Variants in EYS observed in about 807,000 individuals in gnomAD.
The protein encoded by EYS is EGF-like photoreceptor maintenance factor.
In EYS, 250 loss-of-function variants were observed where a neutral mutation model predicts 282.1. That is an observed-to-expected ratio of 0.89 (90% confidence interval 0.80 to 0.98). The LOEUF (loss-of-function observed/expected upper bound fraction) is 0.98. Among genes scored for constraint, EYS ranks in the 50% least tolerant of loss-of-function variants. The pLI is 0.00. For missense variants in EYS, 4,016 were observed against 3,709.0 expected, an observed-to-expected ratio of 1.08 and a Z score of -2.15; for synonymous variants, 1,355 against 1,282.9, an observed-to-expected ratio of 1.06 and a Z score of -1.20.
At chr6:64,874,057 A>G (rs1222189653) in intron 19 of EYS, among the ~76,000 whole-genome samples, 1 of 152,056 alleles carries the variant, frequency 6.6e-6, no homozygotes, top group Non-Finnish European at 1.5e-5. Context: ...AGATTTCTTT[A>G]AATTTGACCA....
chr6:64,406,113 T>C (rs528648917), intron 28 of EYS, among the ~76,000 whole-genome samples: 13 of 152,168 alleles, frequency 8.5e-5, no homozygotes, highest in Admixed American at 6.6e-4. Flanking sequence ...AAAACAGATA[T>C]GTATAGACCA....
intron 22 of EYS, among the ~76,000 whole-genome samples, chr6:64,798,931 A>T (rs1774448438): frequency 6.6e-6 from 1 of 151,758 alleles, no homozygotes. Flanking sequence ...CTCCCATTAT[A>T]CTGCTTTAGC....
intron 30 of EYS, among the ~76,000 whole-genome samples, chr6:64,296,718 T>C (rs142058564): frequency 0.03 from 4,443 of 150,396 alleles, 209 homozygotes; most frequent in African/African-American, 0.1. Flanking sequence ...GCAATTCTCC[T>C]GCCTCAGCCT....
At chr6:63,929,738 CCTCA>C in intron 35 of EYS, among the ~76,000 whole-genome samples, 1 of 152,228 alleles carries the variant, frequency 6.6e-6, no homozygotes, top group East Asian at 1.9e-4. Flanking sequence ...ACATAGCAGT[CCTCA>C]CTCATCCTTT....
At chr6:64,044,103 T>G (rs559971377) in intron 33 of EYS, among the ~76,000 whole-genome samples, 1 of 152,358 alleles carries the variant, frequency 6.6e-6, no homozygotes, top group East Asian at 1.9e-4. Context: ...TATGTCATAT[T>G]TCTATATCTT....
chr6:64,088,214 A>G (rs1772226036), intron 31 of EYS, among the ~76,000 whole-genome samples: 1 of 152,126 alleles, frequency 6.6e-6, no homozygotes, highest in South Asian at 2.1e-4. Flanking sequence ...CGCTGCTTCC[A>G]AAAGCCTCTT....
chr6:64,628,837 A>T (rs1261313297), intron 22 of EYS, among the ~76,000 whole-genome samples: 1 of 152,210 alleles, frequency 6.6e-6, no homozygotes, highest in Admixed American at 6.5e-5. Context: ...TTTTGCGATA[A>T]TTTTAAGGAT....
chr6:64,469,517 T>C (rs1776040102), intron 26 of EYS, among the ~76,000 whole-genome samples: 1 of 151,994 alleles, frequency 6.6e-6, no homozygotes, highest in Non-Finnish European at 1.5e-5. Context: ...TGAGGGGACA[T>C]AATGAGAAGT....
chr6:64,883,879 C>A (rs998249229), intron 19 of EYS, among the ~76,000 whole-genome samples: 3 of 151,362 alleles, frequency 2.0e-5, no homozygotes, highest in Admixed American at 2.0e-4. Flanking sequence ...TAAAAATACT[C>A]TAGATAAATT....
chr6:64,794,319 C>T (rs1774285462), intron 22 of EYS, among the ~76,000 whole-genome samples: 3 of 152,140 alleles, frequency 2.0e-5, no homozygotes, highest in Admixed American at 6.5e-5. Context: ...TCTATGTCCT[C>T]ACTAAAATCT....
chr6:64,763,254 A>G (rs1773219977), intron 22 of EYS, among the ~76,000 whole-genome samples: 1 of 152,196 alleles, frequency 6.6e-6, no homozygotes, highest in African/African-American at 2.4e-5. Flanking sequence ...TGGGTATTTT[A>G]TGAAGAAAAG....
chr6:65,571,012 G>T (rs75618326), intron 2 of EYS, among the ~76,000 whole-genome samples: 2 of 151,970 alleles, frequency 1.3e-5, no homozygotes, highest in Admixed American at 6.6e-5. Context: ...GTTCTGTAAG[G>T]TTGCCATAAA....
intron 31 of EYS, among the ~76,000 whole-genome samples, chr6:64,107,285 T>TATA (rs1773053230): frequency 2.0e-4 from 20 of 101,496 alleles, no homozygotes; most frequent in Admixed American, 3.4e-4. Flanking sequence ...ATATATATAT[T>TATA]TATATATATA....
chr6:64,273,219 G>C (rs1331170219), intron 30 of EYS, among the ~76,000 whole-genome samples: 1 of 152,028 alleles, frequency 6.6e-6, no homozygotes, highest in Non-Finnish European at 1.5e-5. Flanking sequence ...CTAAATCTTT[G>C]TATCATGATT....
chr6:65,696,220 C>A (rs1242086294), intron 1 of EYS, among the ~76,000 whole-genome samples: 1 of 151,822 alleles, frequency 6.6e-6, no homozygotes, highest in Non-Finnish European at 1.5e-5. Flanking sequence ...CATTTTCTGG[C>A]AAATTCTCAG....
rs114511065 is a variant in EYS, at chr6:65,294,067, G to A, written c.2023+1796C>T. On this transcript the variant is annotated intron_variant, in intron 12 of 42. Coordinates refer to ENST00000503581, the MANE Select transcript of EYS (RefSeq NM_001142800.2). ...GGGAAGGAGGAGGATCATATGATGG[G>A]GAGAGAAACCAGGTGGAAACGGAGA... Among the ~76,000 whole-genome samples, 743 of 151,784 alleles carry A rather than the reference G, an allele frequency of 4.9e-3. 5 individuals are homozygous for A. The highest frequency in any genetic ancestry group is 0.017 in the African/African-American group (691 of 41,444).
At chr6:65,181,295 T>C (rs934605064) in intron 12 of EYS, among the ~76,000 whole-genome samples, 1 of 152,060 alleles carries the variant, frequency 6.6e-6, no homozygotes, top group African/African-American at 2.4e-5. Context: ...AGAAAATTTT[T>C]GCAATCTACT....
chr6:63,855,230 T>G (rs1772361281), intron 36 of EYS, among the ~76,000 whole-genome samples: 1 of 152,202 alleles, frequency 6.6e-6, no homozygotes, highest in Admixed American at 6.5e-5. Flanking sequence ...ACAATATCAC[T>G]TTAGACTGGT....
chr6:65,136,000 A>T (rs1166797281), intron 12 of EYS, among the ~76,000 whole-genome samples: 1 of 152,112 alleles, frequency 6.6e-6, no homozygotes, highest in Non-Finnish European at 1.5e-5. Context: ...TAATGGAAAC[A>T]TTAACTTTCA....
Sources: allele counts gnomAD v4.1 joint callset (sites outside exome capture counted in the v4.1 genomes callset), GRCh38; gene constraint gnomAD v4.1.1; transcripts MANE v1.5; gene names NCBI Gene and HGNC (gene_info 2026-07-23, HGNC 2026-07-21).